Variants in NRXN2 observed in about 807,000 individuals in gnomAD.
NRXN2 encodes the protein neurexin 2, also known as neurexin-2-beta.
NRXN2 carries 29 observed loss-of-function variants against 128.8 expected under a neutral mutation model. The ratio of observed to expected loss-of-function variants is 0.23; its 90% CI spans 0.17 to 0.31. The LOEUF is 0.31. Ranked by LOEUF, NRXN2 falls within the 10% of genes least tolerant of loss-of-function variation. NRXN2 has a pLI of 1.00. For missense variants in NRXN2, 1,881 were observed against 2,452.6 expected (o/e 0.77, Z 4.92); for synonymous variants, 1,098 against 1,075.2 (o/e 1.02, Z -0.41).
rs2047403560 is a variant in NRXN2, at chr11:64,651,121, CG to C, written c.2918+133del. 1.6e-6 allele frequency: 2 copies of C among 1,238,308 alleles called. No homozygotes were observed. Among genetic ancestry groups the C allele is most frequent in the African/African-American group, 1.5e-5 (1 of 67,906 alleles). 76.7% of individuals were successfully genotyped at this position (1,238,308 alleles called of 1,614,324 possible). On this transcript the variant is annotated intron_variant, in intron 14 of 22. Coordinates refer to ENST00000265459, the MANE Select transcript of NRXN2 (RefSeq NM_015080.4). This position sits in a 1 kb window ranked among gnomAD's most constrained non-coding sequence, Gnocchi z 5.9. ...GCTGAAGAGGGAGCCTCTCGACTTA[CG>C]GTCGGGGACCTGAATCTTGACTTGT...
chr11:64,617,528 T>G (rs2041723877), intron 22 of NRXN2, among the ~76,000 whole-genome samples: 4 of 152,136 alleles, frequency 2.6e-5, no homozygotes, highest in Admixed American at 2.6e-4. Context: ...GGAGAAAGTA[T>G]GGGCCAGGGT....
intron 17 of NRXN2, chr11:64,642,676 A>C: frequency 6.4e-7 from 1 of 1,556,654 alleles, no homozygotes; most frequent in Non-Finnish European, 8.7e-7. Flanking sequence ...CCCCAGCAGC[A>C]ACAGCAGCAA....
At position 64,714,265 on chromosome 11, in the gene NRXN2, C is replaced by A. The variant is rs1017321670; in HGVS notation, c.-244-322G>T. Among the ~76,000 whole-genome samples the A allele has an allele frequency of 6.6e-6, 1 of 152,088 alleles. No homozygotes were observed. The highest frequency in any genetic ancestry group is 2.4e-5 in the African/African-American group (1 of 41,408). ...AAAGGACCCCAGTGTCAGGAAGGAC[C>A]AAGGCCAGCTCCTTGAGCGAGGCCT... On this transcript the variant is annotated intron_variant, in intron 1 of 22. Coordinates refer to ENST00000265459, the MANE Select transcript of NRXN2 (RefSeq NM_015080.4). This position sits in a 1 kb window ranked among gnomAD's most constrained non-coding sequence, Gnocchi z 4.5.
chr11:64,693,325 T>C (rs2054090124), intron 3 of NRXN2, among the ~76,000 whole-genome samples: 1 of 151,518 alleles, frequency 6.6e-6, no homozygotes, highest in African/African-American at 2.4e-5. Context: ...CTTTTTTTTT[T>C]TCTTCCGGGA....
intron 7 of NRXN2, among the ~76,000 whole-genome samples, chr11:64,672,340 C>G (rs552768206): frequency 9.2e-5 from 14 of 152,222 alleles, no homozygotes; most frequent in Non-Finnish European, 1.6e-4. Flanking sequence ...GTGGGCACTC[C>G]ATGTCCACAT....
intron 5 of NRXN2, among the ~76,000 whole-genome samples, chr11:64,690,201 A>C (rs2053611665): frequency 6.6e-6 from 1 of 152,262 alleles, no homozygotes. Context: ...GCTTTGCGAA[A>C]GAAATGGAGG....
At chr11:64,670,064 A>C (rs1002293053) in intron 7 of NRXN2, among the ~76,000 whole-genome samples, 62 of 151,956 alleles carry the variant, frequency 4.1e-4, no homozygotes, top group African/African-American at 1.4e-3. Context: ...ACATGAGCAG[A>C]ACTGGGGTAA....
rs1057198394 is a variant in NRXN2 at position 64,631,475 on chromosome 11, G to A, written c.3586-902C>T. Among the ~76,000 whole-genome samples the A allele has an allele frequency of 2.0e-5, 3 of 151,842 alleles. No individual in the cohort carries two copies. The highest frequency in any genetic ancestry group is 7.3e-5 in the African/African-American group (3 of 41,274). On this transcript the variant is annotated intron_variant, in intron 18 of 22. Transcript: ENST00000265459. This position sits in a 1 kb window ranked among gnomAD's most constrained non-coding sequence, Gnocchi z 4.8. ...CTTGTGGTGCTAGAGTGGGAGGGAGGGCTTCACCAAACCCTAAATCATGCC... is the reference window on the plus strand; with the variant it reads ...CTTGTGGTGCTAGAGTGGGAGGGAGAGCTTCACCAAACCCTAAATCATGCC...
chr11:64,621,936 A>G, intron 21 of NRXN2, among the ~76,000 whole-genome samples: 1 of 151,904 alleles, frequency 6.6e-6, no homozygotes, highest in East Asian at 1.9e-4. Context: ...CTAGGGCTTG[A>G]CCTGACCCAG....
chr11:64,629,899 G>A (rs373331386), intron 19 of NRXN2, among the ~76,000 whole-genome samples: 1 of 152,168 alleles, frequency 6.6e-6, no homozygotes, highest in Non-Finnish European at 1.5e-5. Flanking sequence ...CTCCTAATAT[G>A]GATCTCTGAC....
intron 17 of NRXN2, among the ~76,000 whole-genome samples, chr11:64,645,319 T>TG (rs1038987434): frequency 3.4e-5 from 5 of 148,300 alleles, no homozygotes; most frequent in African/African-American, 5.0e-5. Flanking sequence ...TGGAGAGAGA[T>TG]GGGGGGGCCA....
At chr11:64,656,687 C>T (rs986717182) in intron 11 of NRXN2, among the ~76,000 whole-genome samples, 4 of 152,052 alleles carry the variant, frequency 2.6e-5, no homozygotes, top group South Asian at 2.1e-4. Flanking sequence ...TCCTCTCCTC[C>T]CCTCCAGGGA....
intron 17 of NRXN2, among the ~76,000 whole-genome samples, chr11:64,638,312 A>G (rs2045103696): frequency 6.6e-6 from 1 of 152,248 alleles, no homozygotes; most frequent in Non-Finnish European, 1.5e-5. Context: ...CTTCTTGGGC[A>G]GAAGAGGTGA....
chr11:64,661,305 A>C, intron 9 of NRXN2, 166 bp from the exon 10 acceptor site: 1 of 1,489,872 alleles, frequency 6.7e-7, no homozygotes, highest in South Asian at 1.3e-5. Context: ...GGCCTCACTC[A>C]CTGCAAAAAC....
At position 64,607,588 on chromosome 11, in the gene NRXN2, C is replaced by T. The variant is rs1455692763; in HGVS notation, c.4747G>A (p.Gly1583Arg). ...CGCGGCTCAAAGGACGTGGGGGCCC[C>T]GGGCCCCAAGGGCGGGTTCTCCAGC... ...PLLENPPLGPGAPTSFEPRRP... is the reference protein window; with the variant it reads ...PLLENPPLGPRAPTSFEPRRP... The change falls in exon 23 of 23, where the codon GGG (glycine) becomes AGG (arginine). Residue 1583 changes from glycine (G) to arginine (R), a missense_variant. This residue lies in a region of NRXN2 where 310 missense variants were observed against 318.2 expected (regional missense o/e 0.97). Transcript: ENST00000265459. The T allele has an allele frequency of 2.6e-6, 4 of 1,531,244 alleles. No individual in the cohort carries two copies. The highest frequency in any genetic ancestry group is 1.4e-5 in the African/African-American group (1 of 71,872). 94.9% of individuals were successfully genotyped at this position (1,531,244 alleles called of 1,614,324 possible).
At chr11:64,701,910 G>T (rs1435191126) in intron 2 of NRXN2, among the ~76,000 whole-genome samples, 1 of 125,352 alleles carries the variant, frequency 8.0e-6, no homozygotes, top group Non-Finnish European at 1.6e-5. Context: ...GGTGGGGGGG[G>T]TCAGCCCCCC....
rs1445278448 is a variant in NRXN2, at chr11:64,713,595, G to T, written c.105C>A (p.Pro35=). 7.5e-7 allele frequency: 1 copy of T among 1,339,114 alleles called. No individual in the cohort carries two copies. The highest frequency in any genetic ancestry group is 9.6e-7 in the Non-Finnish European group (1 of 1,044,328). 83.0% of individuals were successfully genotyped at this position (1,339,114 alleles called of 1,614,324 possible). A position where few individuals can be genotyped will look rare whatever the true frequency, so the allele number is the denominator to read the frequency against. Residue 35 remains proline (P), a synonymous_variant, in exon 2 of 23, where the codon CCC becomes CCA. Transcript: ENST00000265459. The part of the protein sequence containing the change: ...RADGLEFGGG[P]GQWARYARWA... The stretch of plus-strand genomic sequence containing the variant: ...AGCGCGCGTAGCGAGCCCACTGCCC[G>T]GGGCCGCCGCCGAACTCCAGGCCGT...
chr11:64,612,668 T>TA (rs2040861577), intron 22 of NRXN2, among the ~76,000 whole-genome samples: 2 of 152,190 alleles, frequency 1.3e-5, no homozygotes, highest in Admixed American at 6.5e-5. Flanking sequence ...TGACTGGAAC[T>TA]ACCCAAGAAC....
At chr11:64,626,689 C>T (rs988523538) in intron 19 of NRXN2, 137 bp from the exon 20 acceptor site, 12 of 753,072 alleles carry the variant, frequency 1.6e-5, no homozygotes, top group East Asian at 1.5e-4. Context: ...GGAAAAGAAA[C>T]GCTGGGCCCC....
Sources: gnomAD v4.1 joint callset for allele counts (sites outside exome capture counted in the v4.1 genomes callset) on GRCh38, gnomAD v4.1.1 for gene constraint, gnomAD v4.1.1 regional missense constraint, Gnocchi (gnomAD v3.1) non-coding constraint, MANE v1.5 for transcripts, NCBI Gene and HGNC (gene_info 2026-07-23, HGNC 2026-07-21) for gene names.